The following LAT2 variants were observed in gnomAD, a reference collection of about 807,000 sequenced individuals.
The protein encoded by LAT2 is linker for activation of T cells family member 2.
A neutral mutation model predicts 43.4 loss-of-function variants in LAT2; 23 were observed. That is an observed-to-expected ratio of 0.53 (90% confidence interval 0.38 to 0.75). The LOEUF (loss-of-function observed/expected upper bound fraction) is 0.75, where lower values mean the gene tolerates loss of function less well. Ranked by LOEUF, LAT2 falls within the 30% of genes least tolerant of loss-of-function variation. LAT2 has a pLI of 0.00. For missense variants in LAT2, 284 were observed against 310.2 expected (o/e 0.92, Z 0.64); for synonymous variants, 128 against 123.2 (o/e 1.04, Z -0.26).
chr7:74,219,169 T>C, intron 4 of LAT2, among the ~76,000 whole-genome samples: 1 of 151,656 alleles, frequency 6.6e-6, no homozygotes, highest in East Asian at 1.9e-4. Flanking sequence ...CCCGAGTAGC[T>C]GGGACTACAG....
At chr7:74,215,210 C>T in intron 2 of LAT2, 200 bp downstream of exon 2, 1 of 152,840 alleles carries the variant, frequency 6.5e-6, no homozygotes, top group Non-Finnish European at 1.5e-5. Context: ...CCTAGGGCCC[C>T]ATCCCTCTGC....
At chr7:74,227,849 G>A (rs1180969533) in intron 13 of LAT2, among the ~76,000 whole-genome samples, 4 of 152,020 alleles carry the variant, frequency 2.6e-5, no homozygotes, top group Non-Finnish European at 4.4e-5. Flanking sequence ...CTCCAGCCTG[G>A]GCCACAGAGC....
At chr7:74,216,889 C>T (rs781796676) in intron 4 of LAT2, 25 bp downstream of exon 4, 8 of 1,607,574 alleles carry the variant, frequency 5.0e-6, no homozygotes, top group Non-Finnish European at 6.8e-6. Flanking sequence ...TGTCCCTAGC[C>T]TGGTGTATTC....
chr7:74,216,662 C>T (rs1802058349), intron 3 of LAT2, among the ~76,000 whole-genome samples, 163 bp from the exon 4 acceptor site: 1 of 152,202 alleles, frequency 6.6e-6, no homozygotes, highest in African/African-American at 2.4e-5. Flanking sequence ...AGCCACCACA[C>T]CTGGTCCCAA....
At chr7:74,213,675 G>A (rs782203990) in intron 1 of LAT2, among the ~76,000 whole-genome samples, 14 of 150,858 alleles carry the variant, frequency 9.3e-5, no homozygotes, top group Non-Finnish European at 1.8e-4. Context: ...TGCCCGCCTT[G>A]GCCTCCCAAA....
Position 74,224,628 on chromosome 7 carries a change from C to G in LAT2, c.629-11C>G. ...AACCACTCGATGACCTGTCTGCCCGCTGGTCCACAGGGCAACTCCAGAGAG... is the reference window on the plus strand; with the variant it reads ...AACCACTCGATGACCTGTCTGCCCGGTGGTCCACAGGGCAACTCCAGAGAG... On this transcript the variant is annotated splice_polypyrimidine_tract_variant and intron_variant, in intron 12 of 13. Transcript: ENST00000460943. 1.3e-6 allele frequency: 2 copies of G among 1,583,908 alleles called. No homozygotes were observed. The highest frequency in any genetic ancestry group is 1.7e-6 in the Non-Finnish European group (2 of 1,164,226).
intron 1 of LAT2, among the ~76,000 whole-genome samples, chr7:74,214,123 TATAAATATATATATGAAAATATATATAA>T (rs1801852570): frequency 1.7e-5 from 1 of 60,524 alleles, no homozygotes; most frequent in Non-Finnish European, 3.1e-5. Flanking sequence ...AAAATATATA[TATAAATATATATATGAAAATATATATAA>T]ATATATATAT....
chr7:74,214,321 A>C (rs190315422), intron 1 of LAT2, among the ~76,000 whole-genome samples: 24 of 61,008 alleles, frequency 3.9e-4, no homozygotes, highest in Admixed American at 6.2e-4. Context: ...TATATATGAA[A>C]ATATATATAT....
rs1802598584 is a variant in LAT2 at position 74,229,109 on chromosome 7, C to CA, written c.*185dup. ...CATGCGTGCACAGCCTGGGAAAAGA[C>CA]AGTTACTCACGGGAGCTGCAGGCCC... On this transcript the variant is annotated 3_prime_UTR_variant, in exon 14 of 14. Transcript: ENST00000460943. 6.6e-6 allele frequency: 1 copy of CA among 152,330 alleles called. No homozygotes were observed. The highest frequency in any genetic ancestry group is 1.9e-4 in the East Asian group (1 of 5,188). 9.4% of individuals were successfully genotyped at this position (152,330 alleles called of 1,614,324 possible).
chr7:74,216,733 A>T, intron 3 of LAT2, 92 bp from the exon 4 acceptor site: 2 of 1,064,174 alleles, frequency 1.9e-6, no homozygotes, highest in Non-Finnish European at 2.9e-6. Context: ...GTCCTGTCTG[A>T]GTCCTGCTGG....
At chr7:74,215,850 G>C (rs1802018797) in intron 2 of LAT2, 97 bp from the exon 3 acceptor site, 1 of 848,036 alleles carries the variant, frequency 1.2e-6, no homozygotes, top group Non-Finnish European at 2.0e-6. Context: ...TGTTTCCGCA[G>C]CCTAGGCTCA....
At position 74,220,840 on chromosome 7, in the gene LAT2, C is replaced by T. The variant is rs1188988516; in HGVS notation, c.332+106C>T. 1.0e-6 allele frequency: 1 copy of T among 1,003,402 alleles called. No individual in the cohort carries two copies. The highest frequency in any genetic ancestry group is 1.4e-6 in the Non-Finnish European group (1 of 700,982). 62.2% of individuals were successfully genotyped at this position (1,003,402 alleles called of 1,614,324 possible). ...CCCACCTGCCTGCCACAGCCCTGGG[C>T]TTCCTGGTCCAGGAACCACCTCTTG... On this transcript the variant is annotated intron_variant, in intron 9 of 13. Transcript: ENST00000460943. This position sits in a 1 kb window ranked among gnomAD's most constrained non-coding sequence, Gnocchi z 4.5.
At chr7:74,215,151 C>T (rs959577534) in intron 2 of LAT2, 141 bp downstream of exon 2, 1 of 152,376 alleles carries the variant, frequency 6.6e-6, no homozygotes, top group African/African-American at 2.4e-5. Flanking sequence ...TGTCTTTAGC[C>T]CATCCTTGGC....
chr7:74,222,730 C>T (rs147508180), intron 10 of LAT2, among the ~76,000 whole-genome samples: 4,919 of 152,146 alleles, frequency 0.032, 279 homozygotes, highest in African/African-American at 0.11. Flanking sequence ...CCTGCCACCA[C>T]GCCTGGCTAA....
intron 4 of LAT2, among the ~76,000 whole-genome samples, chr7:74,217,524 C>T (rs782553818): frequency 1.2e-4 from 18 of 152,312 alleles, no homozygotes; most frequent in South Asian, 2.1e-4. Flanking sequence ...GGGGCTAGTC[C>T]GCTCTCCCCT....
intron 1 of LAT2, among the ~76,000 whole-genome samples, chr7:74,213,306 A>G (rs1214609641): frequency 6.6e-6 from 1 of 151,068 alleles, no homozygotes; most frequent in African/African-American, 2.4e-5. Context: ...CTTTTTTAGT[A>G]GACACAGGGT....
chr7:74,225,418 A>T (rs1554715987), intron 13 of LAT2: 1 of 152,312 alleles, frequency 6.6e-6, no homozygotes, highest in Admixed American at 6.5e-5. Flanking sequence ...CAGACATTGC[A>T]CACAAAGCCT....
chr7:74,214,698 T>TG lies in LAT2; in HGVS notation c.-218-124_-218-123insG, dbSNP rs1801951972. On this transcript the variant is annotated intron_variant, in intron 1 of 13. Transcript: ENST00000460943. ...AATATATATATGAAAATAATATATA[T>TG]AAATATATATAAATATATATAAAAA... The TG allele has an allele frequency of 4.5e-4, 36 of 80,790 alleles. 2 individuals are homozygous for TG. Among genetic ancestry groups the TG allele is most frequent in the Non-Finnish European group, 5.4e-4 (25 of 46,530 alleles). 5.0% of individuals were successfully genotyped at this position (80,790 alleles called of 1,614,324 possible).
Position 74,220,828 on chromosome 7 carries a change from C to T in LAT2, c.332+94C>T. On this transcript the variant is annotated intron_variant, in intron 9 of 13. Transcript: ENST00000460943. This position sits in a 1 kb window ranked among gnomAD's most constrained non-coding sequence, Gnocchi z 4.5. ...CTCTCCCCCTGCCCCACCTGCCTGCCACAGCCCTGGGCTTCCTGGTCCAGG... is the reference window on the plus strand; with the variant it reads ...CTCTCCCCCTGCCCCACCTGCCTGCTACAGCCCTGGGCTTCCTGGTCCAGG... The T allele has an allele frequency of 8.6e-7, 1 of 1,157,458 alleles. No individual in the cohort carries two copies. The highest frequency in any genetic ancestry group is 2.6e-5 in the Admixed American group (1 of 38,140). 71.7% of individuals were successfully genotyped at this position (1,157,458 alleles called of 1,614,324 possible). A position where few individuals can be genotyped will look rare whatever the true frequency, so the allele number is the denominator to read the frequency against.
Sources: gnomAD v4.1 joint callset for allele counts (sites outside exome capture counted in the v4.1 genomes callset) on GRCh38, gnomAD v4.1.1 for gene constraint, Gnocchi (gnomAD v3.1) non-coding constraint, MANE v1.5 for transcripts, NCBI Gene and HGNC (gene_info 2026-07-23, HGNC 2026-07-21) for gene names.